LINGO2: variants seen among roughly 807,000 people sequenced by gnomAD.
LINGO2 encodes the protein leucine rich repeat and Ig domain containing 2.
A neutral mutation model predicts 30.6 loss-of-function variants in LINGO2; 14 were observed. The observed-to-expected ratio is 0.46, with a 90% confidence interval of 0.30 to 0.72. LINGO2 has a LOEUF of 0.72. Among genes scored for constraint, LINGO2 ranks in the 30% least tolerant of loss-of-function variants. The probability of loss-of-function intolerance (pLI) is 0.07; values close to 1 mark genes in which losing one functional copy is unlikely to be tolerated. For missense variants in LINGO2, 729 were observed against 751.7 expected (o/e 0.97, Z 0.35); for synonymous variants, 317 against 288.5 (o/e 1.10, Z -1.00).
chr9:29,081,697 C>T, the LINGO2 span, among the ~76,000 whole-genome samples: 1 of 152,160 alleles, frequency 6.6e-6, no homozygotes, highest in Admixed American at 6.5e-5. Flanking sequence ...CGTCTCAACT[C>T]AAAATCTCCT....
intron 3 of LINGO2, among the ~76,000 whole-genome samples, chr9:28,362,284 G>C (rs1225993339): frequency 6.6e-6 from 1 of 152,148 alleles, no homozygotes; most frequent in East Asian, 1.9e-4. Context: ...GTTTGAGAGA[G>C]AGAGAGAGGA....
intron 2 of LINGO2, among the ~76,000 whole-genome samples, chr9:28,457,394 T>C (rs908059155): frequency 2.6e-5 from 4 of 152,066 alleles, no homozygotes; most frequent in Non-Finnish European, 5.9e-5. Context: ...CTCAATAATG[T>C]CACCATGTCA....
At chr9:29,131,876 A>G in the LINGO2 span, among the ~76,000 whole-genome samples, 1 of 150,938 alleles carries the variant, frequency 6.6e-6, no homozygotes, top group African/African-American at 2.4e-5. Flanking sequence ...CTGGGTTCAC[A>G]TTTTCCCTTG....
intron 5 of LINGO2, among the ~76,000 whole-genome samples, chr9:27,970,046 A>C (rs759545579): frequency 2.0e-5 from 3 of 152,238 alleles, no homozygotes; most frequent in Non-Finnish European, 4.4e-5. Context: ...TGTTGTATTA[A>C]TATTGCATGT....
chr9:28,172,948 G>T (rs1055710265), intron 4 of LINGO2, among the ~76,000 whole-genome samples: 8 of 152,132 alleles, frequency 5.3e-5, no homozygotes, highest in African/African-American at 1.9e-4. Context: ...ACCTACTGGA[G>T]TCCAGTATAT....
the LINGO2 span, among the ~76,000 whole-genome samples, chr9:28,765,455 G>A: frequency 2.6e-5 from 4 of 152,136 alleles, no homozygotes; most frequent in East Asian, 1.9e-4. Context: ...TGGGGAAGGT[G>A]GGGCCTAGTG....
At chr9:28,466,896 G>A (rs1253736728) in intron 2 of LINGO2, among the ~76,000 whole-genome samples, 2 of 152,128 alleles carry the variant, frequency 1.3e-5, no homozygotes, top group East Asian at 1.9e-4. Flanking sequence ...TAGAAATGGT[G>A]TTACAAACTG....
intron 4 of LINGO2, among the ~76,000 whole-genome samples, chr9:28,286,024 T>C (rs1195830662): frequency 6.6e-6 from 1 of 152,188 alleles, no homozygotes; most frequent in Admixed American, 6.5e-5. Flanking sequence ...GGCAACATGA[T>C]ACCTAATAAA....
At chr9:28,783,882 G>C in the LINGO2 span, among the ~76,000 whole-genome samples, 1 of 152,150 alleles carries the variant, frequency 6.6e-6, no homozygotes, top group South Asian at 2.1e-4. Context: ...CAGCACTCTT[G>C]GTGGATTGCA....
At chr9:28,496,483 C>A (rs142321924) in intron 1 of LINGO2, among the ~76,000 whole-genome samples, 2,416 of 150,820 alleles carry the variant, frequency 0.016, 38 homozygotes, top group Non-Finnish European at 0.025. Context: ...GGATTGCAAC[C>A]CCTGCCTTTT....
chr9:28,382,155 T>C (rs944594), intron 2 of LINGO2, among the ~76,000 whole-genome samples: 131,467 of 152,064 alleles, frequency 0.86, 56,955 homozygotes, highest in Admixed American at 0.9. Flanking sequence ...AGTGAGGTAA[T>C]AGATAGTACT....
At chr9:28,854,658 A>G in the LINGO2 span, among the ~76,000 whole-genome samples, 1 of 149,236 alleles carries the variant, frequency 6.7e-6, no homozygotes, top group African/African-American at 2.6e-5. Context: ...AATTTAGGCT[A>G]TTTATTTATT....
At chr9:28,865,110 G>A in the LINGO2 span, among the ~76,000 whole-genome samples, 1 of 152,076 alleles carries the variant, frequency 6.6e-6, no homozygotes, top group Non-Finnish European at 1.5e-5. Flanking sequence ...AGTGTTCTAA[G>A]CAGAAGAGAA....
intron 4 of LINGO2, among the ~76,000 whole-genome samples, chr9:28,168,948 C>T (rs1217695779): frequency 3.3e-5 from 5 of 152,184 alleles, no homozygotes; most frequent in Non-Finnish European, 5.9e-5. Context: ...ATAACAAGCA[C>T]TTACTGAACA....
chr9:28,003,781 A>G (rs547555496), intron 5 of LINGO2, among the ~76,000 whole-genome samples: 1 of 152,260 alleles, frequency 6.6e-6, no homozygotes, highest in East Asian at 1.9e-4. Flanking sequence ...GATTATACCA[A>G]TTGGTCTGTG....
chr9:28,751,901 A>C, the LINGO2 span, among the ~76,000 whole-genome samples: 1 of 152,020 alleles, frequency 6.6e-6, no homozygotes, highest in African/African-American at 2.4e-5. Flanking sequence ...GCCATGAATA[A>C]TAATGTCCTT....
At chr9:28,288,353 C>A (rs1223966898) in intron 4 of LINGO2, among the ~76,000 whole-genome samples, 1 of 152,126 alleles carries the variant, frequency 6.6e-6, no homozygotes, top group Non-Finnish European at 1.5e-5. Flanking sequence ...AGTTTCCCAT[C>A]CATTAAAACC....
intron 4 of LINGO2, among the ~76,000 whole-genome samples, chr9:28,047,780 C>T (rs1195902599): frequency 7.9e-6 from 1 of 126,072 alleles, no homozygotes; most frequent in African/African-American, 2.8e-5. Context: ...TAAAATTATA[C>T]TGAACAAGAA....
At chr9:28,976,975 C>T in the LINGO2 span, among the ~76,000 whole-genome samples, 6 of 152,148 alleles carry the variant, frequency 3.9e-5, no homozygotes, top group Non-Finnish European at 8.8e-5. Flanking sequence ...AAGGAAATAA[C>T]CAGTGATATA....
Sources: gnomAD v4.1 joint callset for allele counts (sites outside exome capture counted in the v4.1 genomes callset) on GRCh38, gnomAD v4.1.1 for gene constraint, MANE v1.5 for transcripts, NCBI Gene and HGNC (gene_info 2026-07-23, HGNC 2026-07-21) for gene names.